B3GALT1: variants seen among roughly 807,000 people sequenced by gnomAD.
B3GALT1 encodes beta-1,3-galactosyltransferase 1.
Under a neutral mutation model 23.2 loss-of-function variants are expected in B3GALT1, and 10 were observed. That is an observed-to-expected ratio of 0.43 (90% confidence interval 0.27 to 0.73). B3GALT1 has a LOEUF of 0.73. Ranked by LOEUF, B3GALT1 falls within the 30% of genes least tolerant of loss-of-function variation. The pLI is 0.21. For missense variants in B3GALT1, 299 were observed against 405.4 expected, an observed-to-expected ratio of 0.74 and a Z score of 2.25; for synonymous variants, 156 against 141.5, an observed-to-expected ratio of 1.10 and a Z score of -0.73.
At chr2:167,867,290 A>G (rs1374936867) in intron 4 of B3GALT1, among the ~76,000 whole-genome samples, 1 of 152,064 alleles carries the variant, frequency 6.6e-6, no homozygotes, top group Non-Finnish European at 1.5e-5. Flanking sequence ...TAAAGTTTCA[A>G]AACTTGCTGC....
intron 3 of B3GALT1, among the ~76,000 whole-genome samples, chr2:167,705,462 G>A (rs547799903): frequency 6.6e-6 from 1 of 151,954 alleles, no homozygotes; most frequent in East Asian, 1.9e-4. Context: ...GAAGAATCAA[G>A]ATGCTTTTTT....
intron 3 of B3GALT1, among the ~76,000 whole-genome samples, chr2:167,737,276 T>C (rs1009727738): frequency 9.2e-5 from 14 of 152,198 alleles, no homozygotes; most frequent in Admixed American, 3.3e-4. Context: ...AGGAAACTGG[T>C]TTAATGACAT....
Position 167,869,879 on chromosome 2 carries a change from C to T in B3GALT1, c.840C>T (p.Phe280=). 6.2e-7 allele frequency: 1 copy of T among 1,614,164 alleles called. No homozygotes were observed. The highest frequency in any genetic ancestry group is 8.5e-7 in the Non-Finnish European group (1 of 1,180,040). ...TTCGAAAGCTGGGCATACATCCTTT[C>T]CAGAACAGTGGCTTCAATCACTGGA... ...LCLRKLGIHP[F]QNSGFNHWKM... is the part of the protein sequence containing the mutation. Residue 280 remains phenylalanine, a synonymous_variant, in exon 5 of 5, where the codon TTC becomes TTT. Transcript: ENST00000392690. The surrounding 1 kb of genome is among the most constrained non-coding windows in gnomAD (Gnocchi z 6.4).
intron 1 of B3GALT1, among the ~76,000 whole-genome samples, chr2:167,417,703 G>A (rs1383719674): frequency 2.6e-5 from 4 of 152,156 alleles, no homozygotes; most frequent in Non-Finnish European, 4.4e-5. Flanking sequence ...GTTAGTCTAC[G>A]AGTGAATAGT....
chr2:167,381,236 T>C (rs952371153), intron 1 of B3GALT1, among the ~76,000 whole-genome samples: 1 of 152,036 alleles, frequency 6.6e-6, no homozygotes, highest in African/African-American at 2.4e-5. Context: ...CCTGGCTAAT[T>C]TTTTTTCAGA....
At chr2:167,454,196 A>AGTGTGT (rs35747652) in intron 1 of B3GALT1, among the ~76,000 whole-genome samples, 5 of 151,938 alleles carry the variant, frequency 3.3e-5, no homozygotes, top group African/African-American at 1.2e-4. Context: ...ATAACAGGAA[A>AGTGTGT]GTGTGTGTGT....
intron 1 of B3GALT1, among the ~76,000 whole-genome samples, chr2:167,461,461 A>G (rs1699257876): frequency 6.6e-6 from 1 of 152,214 alleles, no homozygotes; most frequent in African/African-American, 2.4e-5. Context: ...CCATCTTTCT[A>G]GAACCCTCTC....
chr2:167,613,924 A>G (rs1399299043), intron 2 of B3GALT1, among the ~76,000 whole-genome samples: 3 of 151,814 alleles, frequency 2.0e-5, no homozygotes, highest in Non-Finnish European at 2.9e-5. Context: ...TTCCCTTGAC[A>G]TTATAATCTA....
At chr2:167,583,735 T>C (rs553623981) in intron 2 of B3GALT1, among the ~76,000 whole-genome samples, 2 of 152,286 alleles carry the variant, frequency 1.3e-5, no homozygotes, top group Non-Finnish European at 2.9e-5. Flanking sequence ...GGGCAGTAAT[T>C]CTTAAATTTT....
intron 1 of B3GALT1, among the ~76,000 whole-genome samples, chr2:167,307,602 CT>C (rs1696569635): frequency 6.6e-6 from 1 of 152,036 alleles, no homozygotes. Context: ...GGACTTGCGT[CT>C]GCCCCAGCCC....
intron 2 of B3GALT1, among the ~76,000 whole-genome samples, chr2:167,634,911 G>A (rs546360294): frequency 6.6e-6 from 1 of 152,228 alleles, no homozygotes; most frequent in African/African-American, 2.4e-5. Flanking sequence ...GAAAATTTCA[G>A]GCCAGTGTCC....
chr2:167,476,583 T>G (rs1423064787), intron 1 of B3GALT1, among the ~76,000 whole-genome samples: 1 of 152,208 alleles, frequency 6.6e-6, no homozygotes, highest in East Asian at 1.9e-4. Context: ...TTTGGAATTC[T>G]GTCGAATATT....
intron 1 of B3GALT1, among the ~76,000 whole-genome samples, chr2:167,419,405 A>G (rs1235153041): frequency 6.6e-6 from 1 of 152,222 alleles, no homozygotes; most frequent in African/African-American, 2.4e-5. Context: ...CTGATAAACA[A>G]GTATGTATTA....
chr2:167,792,953 G>A (rs1688470895), intron 3 of B3GALT1, among the ~76,000 whole-genome samples: 1 of 151,790 alleles, frequency 6.6e-6, no homozygotes, highest in Non-Finnish European at 1.5e-5. Context: ...TCACTTATGT[G>A]GTTCTGGGAG....
intron 3 of B3GALT1, among the ~76,000 whole-genome samples, chr2:167,653,635 T>C (rs1480052356): frequency 6.6e-6 from 1 of 152,296 alleles, no homozygotes; most frequent in African/African-American, 2.4e-5. Flanking sequence ...GCATGATATT[T>C]ACAGGAGATG....
intron 1 of B3GALT1, among the ~76,000 whole-genome samples, chr2:167,304,377 T>C (rs1055874579): frequency 5.9e-5 from 9 of 152,192 alleles, no homozygotes; most frequent in Admixed American, 1.3e-4. Flanking sequence ...AGTGGTTGAT[T>C]GGAAGTATCC....
intron 3 of B3GALT1, among the ~76,000 whole-genome samples, chr2:167,706,882 T>C (rs1465641989): frequency 6.6e-6 from 1 of 152,264 alleles, no homozygotes; most frequent in African/African-American, 2.4e-5. Flanking sequence ...CTCTTGAACC[T>C]GAGCAGACCA....
At chr2:167,779,007 A>G (rs1688205989) in intron 3 of B3GALT1, among the ~76,000 whole-genome samples, 1 of 152,244 alleles carries the variant, frequency 6.6e-6, no homozygotes, top group South Asian at 2.1e-4. Flanking sequence ...CTACCCATTA[A>G]CAATGACATT....
chr2:167,547,211 T>G (rs1333964290), intron 2 of B3GALT1, among the ~76,000 whole-genome samples: 1 of 152,184 alleles, frequency 6.6e-6, no homozygotes, highest in East Asian at 1.9e-4. Context: ...AGCCACATGT[T>G]TCAACAGATC....
Sources: allele counts gnomAD v4.1 joint callset (sites outside exome capture counted in the v4.1 genomes callset), GRCh38; gene constraint gnomAD v4.1.1; non-coding constraint Gnocchi (gnomAD v3.1); transcripts MANE v1.5; gene names NCBI Gene and HGNC (gene_info 2026-07-23, HGNC 2026-07-21).